RFC5: variants seen among roughly 807,000 people sequenced by gnomAD.
RFC5 encodes the protein A1 36 kDa subunit.
Under a neutral mutation model 44.3 loss-of-function variants are expected in RFC5, and 26 were observed. That is an observed-to-expected ratio of 0.59 (90% confidence interval 0.43 to 0.81). RFC5 has a LOEUF of 0.81. Ranked by LOEUF, RFC5 falls within the 40% of genes least tolerant of loss-of-function variation. RFC5 has a pLI of 0.00. For synonymous variants in RFC5, 155 were observed against 155.2 expected (o/e 1.00, Z 0.01); for missense variants, 328 against 418.6 (o/e 0.78, Z 1.89).
chr12:118,032,177 A>G lies in RFC5; in HGVS notation c.*899A>G, dbSNP rs1432004804. The G allele has an allele frequency of 1.3e-5, 2 of 152,260 alleles. No homozygotes were observed. Among genetic ancestry groups the G allele is most frequent in the Non-Finnish European group, 2.9e-5 (2 of 68,042 alleles). The allele number at this position is 152,260 out of a possible 1,614,324, so 9.4% of individuals were successfully genotyped here. On this transcript the variant is annotated 3_prime_UTR_variant, in exon 11 of 11. Coordinates refer to ENST00000454402, the MANE Select transcript of RFC5 (RefSeq NM_007370.7). ...CTGACTTTGTCAAACTTGCATTTAT[A>G]TGAAAACCTTCTGTCTCTAATATCA... is the stretch of plus-strand genomic sequence containing the variant.
chr12:118,039,797 G>A, the RFC5 span, among the ~76,000 whole-genome samples: 1 of 151,424 alleles, frequency 6.6e-6, no homozygotes, highest in South Asian at 2.1e-4. Flanking sequence ...AGGTGGGAGT[G>A]CAATGGCATG....
At chr12:118,028,870 G>A (rs936122162) in intron 9 of RFC5, among the ~76,000 whole-genome samples, 4 of 152,186 alleles carry the variant, frequency 2.6e-5, no homozygotes, top group South Asian at 2.1e-4. Context: ...CCAGGCATCC[G>A]TATTCTCTAA....
At chr12:118,030,935 AC>A (rs1472687559) in intron 10 of RFC5, among the ~76,000 whole-genome samples, 4 of 152,168 alleles carry the variant, frequency 2.6e-5, no homozygotes, top group African/African-American at 9.7e-5. Context: ...CCGGCCTGAT[AC>A]CTAATAATTT....
chr12:118,030,331 T>C (rs2031234237), intron 10 of RFC5, among the ~76,000 whole-genome samples: 2 of 152,184 alleles, frequency 1.3e-5, no homozygotes, highest in Non-Finnish European at 2.9e-5. Context: ...ATTTGTGGCA[T>C]TGGCTTTCAC....
intron 9 of RFC5, among the ~76,000 whole-genome samples, chr12:118,029,286 C>T (rs1033556617): frequency 3.9e-5 from 6 of 152,142 alleles, no homozygotes; most frequent in African/African-American, 1.4e-4. Context: ...GGCAAGGTGG[C>T]GCACACCTGT....
intron 5 of RFC5, 90 bp downstream of exon 5, chr12:118,022,449 T>C: frequency 1.1e-6 from 1 of 940,676 alleles, no homozygotes; most frequent in Non-Finnish European, 1.7e-6. Flanking sequence ...GTCATTGTTT[T>C]TTTAGGCGGG....
At chr12:118,038,233 A>G in the RFC5 span, 3 of 1,534,008 alleles carry the variant, frequency 2.0e-6, no homozygotes, top group Admixed American at 1.9e-5. Context: ...ACACCAGGCC[A>G]CCACTTCAGA....
chr12:118,041,019 A>G, the RFC5 span, among the ~76,000 whole-genome samples: 1 of 152,268 alleles, frequency 6.6e-6, no homozygotes. Context: ...ACTGCACTCC[A>G]GCCTGGGTGA....
In RFC5 at chr12:118,016,742, T is replaced by A; in HGVS notation, c.-86T>A. The A allele has an allele frequency of 8.9e-7, 1 of 1,128,868 alleles. No individual in the cohort carries two copies. Among genetic ancestry groups the A allele is most frequent in the Admixed American group, 2.0e-5 (1 of 49,336 alleles). The allele number at this position is 1,128,868 out of a possible 1,614,324, so 69.9% of individuals were successfully genotyped here. A position where few individuals can be genotyped will look rare whatever the true frequency, so the allele number is the denominator to read the frequency against. ...CGCGCGAACTGTAAGTGCCAGGGTC[T>A]CAGGGTCAGGTCGCGGCTGGTCACT... is the stretch of plus-strand genomic sequence containing the variant. On this transcript the variant is annotated 5_prime_UTR_variant, in exon 1 of 11. Coordinates refer to ENST00000454402, the MANE Select transcript of RFC5 (RefSeq NM_007370.7).
intron 6 of RFC5, 138 bp downstream of exon 6, chr12:118,025,148 C>T: frequency 3.2e-6 from 2 of 626,606 alleles, no homozygotes; most frequent in African/African-American, 1.9e-5. Context: ...GCACTGGGGA[C>T]CGTCCACTGC....
the RFC5 span, among the ~76,000 whole-genome samples, chr12:118,040,555 G>GT: frequency 6.6e-6 from 1 of 151,862 alleles, no homozygotes; most frequent in Admixed American, 6.6e-5. Context: ...CAGGTCAGGA[G>GT]TGCAAGACCA....
In RFC5 at chr12:118,016,729, A is replaced by C. The variant is rs2030099646; in HGVS notation, c.-99A>C. 3 of 963,988 alleles carry C rather than the reference A, an allele frequency of 3.1e-6. No homozygotes were observed. The highest frequency in any genetic ancestry group is 4.4e-5 in the Admixed American group (2 of 45,650). The allele number at this position is 963,988 out of a possible 1,614,324, so 59.7% of individuals were successfully genotyped here. ...AGAGTTGCTTTTGCGCGCGAACTGT[A>C]AGTGCCAGGGTCTCAGGGTCAGGTC... On this transcript the variant is annotated 5_prime_UTR_variant, in exon 1 of 11. Coordinates refer to ENST00000454402, the MANE Select transcript of RFC5 (RefSeq NM_007370.7).
At chr12:118,024,216 CTG>C (rs1194958077) in intron 5 of RFC5, among the ~76,000 whole-genome samples, 24 of 151,838 alleles carry the variant, frequency 1.6e-4, no homozygotes, top group Non-Finnish European at 3.1e-4. Flanking sequence ...TGGCACGTGT[CTG>C]TAGTCCCAGC....
At chr12:118,034,791 A>G, downstream of RFC5, 2 of 590,416 alleles carry the variant, frequency 3.4e-6, no homozygotes, top group South Asian at 4.8e-5. Context: ...ATCTTTAATT[A>G]CATTTAGGTT....
rs1038731474 is a variant in RFC5 at position 118,031,910 on chromosome 12, T to C, written c.*632T>C. The C allele has an allele frequency of 6.6e-6, 1 of 152,218 alleles. No individual in the cohort carries two copies. The highest frequency in any genetic ancestry group is 2.4e-5 in the African/African-American group (1 of 41,456). The allele number at this position is 152,218 out of a possible 1,614,324, so 9.4% of individuals were successfully genotyped here. On this transcript the variant is annotated 3_prime_UTR_variant, in exon 11 of 11. Coordinates refer to ENST00000454402, the MANE Select transcript of RFC5 (RefSeq NM_007370.7). ...TTAAATATAATATAGAGCCTTAAAC[T>C]ATGCCACTGGGTGGCAGAGGCTGTA...
downstream of RFC5, chr12:118,032,900 GC>G (rs1185900171): frequency 6.6e-6 from 1 of 151,884 alleles, no homozygotes; most frequent in Non-Finnish European, 1.5e-5. Flanking sequence ...GAAACAGAGA[GC>G]CAAAAGCTTT....
chr12:118,034,019 G>T (rs1052609773), downstream of RFC5: 1 of 811,210 alleles, frequency 1.2e-6, no homozygotes, highest in Non-Finnish European at 1.9e-6. Context: ...ACTTTCACAT[G>T]CCAGGGAGAG....
chr12:118,029,236 A>G (rs901794327), intron 9 of RFC5, among the ~76,000 whole-genome samples: 2 of 152,200 alleles, frequency 1.3e-5, no homozygotes, highest in African/African-American at 4.8e-5. Context: ...CCTGGGCAAC[A>G]CGGTGAAACC....
chr12:118,019,090 A>C lies in RFC5; in HGVS notation c.84A>C (p.Pro28=). Residue 28 remains proline, a synonymous_variant, in exon 2 of 11, where the codon CCA becomes CCC. Coordinates refer to ENST00000454402, the MANE Select transcript of RFC5 (RefSeq NM_007370.7). The surrounding 1 kb of genome is among the most constrained non-coding windows in gnomAD (Gnocchi z 4.2). The part of the protein sequence containing the change: ...RNLPWVEKYR[P]QTLNDLISHQ... Reference sequence around the variant, plus strand: ...ATTTCAGGGTTGAAAAATACCGGCCACAGACCCTGAATGATCTCATTTCTC... The same window carrying C: ...ATTTCAGGGTTGAAAAATACCGGCCCCAGACCCTGAATGATCTCATTTCTC... 1.2e-6 allele frequency: 2 copies of C among 1,611,888 alleles called. No homozygotes were observed. Among genetic ancestry groups the C allele is most frequent in the East Asian group, 4.5e-5 (2 of 44,882 alleles).
Sources: gnomAD v4.1 joint callset for allele counts (sites outside exome capture counted in the v4.1 genomes callset) on GRCh38, gnomAD v4.1.1 for gene constraint, Gnocchi (gnomAD v3.1) non-coding constraint, MANE v1.5 for transcripts, NCBI Gene and HGNC (gene_info 2026-07-23, HGNC 2026-07-21) for gene names.